The following MFSD6 variants were observed in gnomAD, a reference collection of about 807,000 sequenced individuals.
The protein encoded by MFSD6 is major facilitator superfamily domain-containing protein 6.
In MFSD6, 26 loss-of-function variants were observed where a neutral mutation model predicts 56.3. The observed-to-expected ratio is 0.46, with a 90% confidence interval of 0.34 to 0.64. The LOEUF is 0.64. Among genes scored for constraint, MFSD6 ranks in the 30% least tolerant of loss-of-function variants. MFSD6 has a pLI of 0.01. For synonymous variants in MFSD6, 331 were observed against 366.9 expected, an observed-to-expected ratio of 0.90 and a Z score of 1.12; for missense variants, 750 against 986.2, an observed-to-expected ratio of 0.76 and a Z score of 3.21.
chr2:190,460,851 C>G (rs935895185), intron 3 of MFSD6, among the ~76,000 whole-genome samples: 1 of 152,092 alleles, frequency 6.6e-6, no homozygotes, highest in African/African-American at 2.4e-5. Context: ...GACAAGGTGA[C>G]AAGGAAAGAT....
At chr2:190,442,682 G>T (rs4129081) in intron 3 of MFSD6, 50,500 of 151,850 alleles carry the variant, frequency 0.33, 9,175 homozygotes, top group Admixed American at 0.47. Context: ...GCTTGGTATG[G>T]TAATTCCAAA....
intron 4 of MFSD6, among the ~76,000 whole-genome samples, chr2:190,474,560 T>C (rs1024913096): frequency 6.6e-6 from 1 of 152,090 alleles, no homozygotes; most frequent in African/African-American, 2.4e-5. Context: ...GCTCTGAAAT[T>C]GAGGCAATAA....
In MFSD6 at chr2:190,421,333, A is replaced by G. The variant is rs571767380; in HGVS notation, c.-54+5920A>G. Among the ~76,000 whole-genome samples, 15 of 152,252 alleles carry G rather than the reference A, an allele frequency of 9.9e-5. No individual in the cohort carries two copies. In the East Asian group the frequency reaches 2.5e-3, roughly 25 times the overall value. On this transcript the variant is annotated intron_variant, in intron 2 of 7. Coordinates refer to ENST00000392328, the MANE Select transcript of MFSD6 (RefSeq NM_017694.4). ...TTGATGTGGAAGGACATTCTGTACA[A>G]CTCTGAAAAATGTTTAGTCAGTGAT...
chr2:190,464,441 T>C (rs1330894385), intron 3 of MFSD6, among the ~76,000 whole-genome samples: 1 of 152,206 alleles, frequency 6.6e-6, no homozygotes, highest in Non-Finnish European at 1.5e-5. Context: ...GCTCACACCC[T>C]GTGTTGTTTC....
chr2:190,466,731 CTTATT>C (rs1391044323), intron 3 of MFSD6, among the ~76,000 whole-genome samples: 1 of 152,124 alleles, frequency 6.6e-6, no homozygotes, highest in Non-Finnish European at 1.5e-5. Context: ...CTGGATACTT[CTTATT>C]TTGTGTTTTC....
rs1271737588 is a variant in MFSD6, at chr2:190,416,017, AG to A, written c.-54+606del. The stretch of plus-strand genomic sequence containing the variant: ...CCTCCCGCTGGGCTTGTTCTAAGAC[AG>A]GAAGCTTATTTGAAAGGTAGAAGGA... On this transcript the variant is annotated intron_variant, in intron 2 of 7. Transcript: ENST00000392328. This position sits in a 1 kb window ranked among gnomAD's most constrained non-coding sequence, Gnocchi z 4.1. 6.6e-6 allele frequency among the ~76,000 whole-genome samples: 1 copy of A among 152,204 alleles called. No homozygotes were observed. Among genetic ancestry groups the A allele is most frequent in the Non-Finnish European group, 1.5e-5 (1 of 68,040 alleles).
At position 190,433,305 on chromosome 2, in the gene MFSD6, G is replaced by T. The variant is rs1453493367; in HGVS notation, c.-53-2672G>T. 1 of 152,092 alleles carries T rather than the reference G, an allele frequency of 6.6e-6. No homozygotes were observed. Among genetic ancestry groups the T allele is most frequent in the African/African-American group, 2.4e-5 (1 of 41,404 alleles). The allele number at this position is 152,092 out of a possible 1,614,324, so 9.4% of individuals were successfully genotyped here. A position where few individuals can be genotyped will look rare whatever the true frequency, so the allele number is the denominator to read the frequency against. On this transcript the variant is annotated intron_variant, in intron 2 of 7. Coordinates refer to ENST00000392328, the MANE Select transcript of MFSD6 (RefSeq NM_017694.4). The surrounding 1 kb of genome is among the most constrained non-coding windows in gnomAD (Gnocchi z 4.5). ...ATTAATTTAGAAAATAGATTTGAGG[G>T]CAAATTATTTTTTCTTTTCAGATGA...
rs1172586071 is a variant in MFSD6 at position 190,425,020 on chromosome 2, T to G, written c.-54+9607T>G. ...ACATGGATCCATTTATTTAGCTCTT[T>G]GATTTCTTTCATCAGCATTTTATGG... On this transcript the variant is annotated intron_variant, in intron 2 of 7. Transcript: ENST00000392328. This position sits in a 1 kb window ranked among gnomAD's most constrained non-coding sequence, Gnocchi z 4.3. Among the ~76,000 whole-genome samples the G allele has an allele frequency of 1.3e-5, 2 of 152,248 alleles. No individual in the cohort carries two copies. Among genetic ancestry groups the G allele is most frequent in the African/African-American group, 4.8e-5 (2 of 41,464 alleles).
intron 3 of MFSD6, among the ~76,000 whole-genome samples, chr2:190,460,400 T>C (rs1687261351): frequency 6.6e-6 from 1 of 152,212 alleles, no homozygotes; most frequent in African/African-American, 2.4e-5. Flanking sequence ...TAATCATACA[T>C]ACACTCGCGT....
At chr2:190,478,929 G>A (rs547131964) in intron 4 of MFSD6, among the ~76,000 whole-genome samples, 2 of 152,076 alleles carry the variant, frequency 1.3e-5, no homozygotes, top group South Asian at 4.2e-4. Flanking sequence ...GTACTATCTA[G>A]AGGGTAGCTG....
chr2:190,475,509 A>G (rs530009890), intron 4 of MFSD6, among the ~76,000 whole-genome samples: 25 of 152,236 alleles, frequency 1.6e-4, no homozygotes, highest in African/African-American at 4.1e-4. Context: ...TATAAGGGAT[A>G]TGAAGGACCT....
chr2:190,435,270 G>T (rs4853707), intron 2 of MFSD6: 135,612 of 152,266 alleles, frequency 0.89, 60,750 homozygotes, highest in East Asian at 1. Context: ...CTATTGTGAT[G>T]AATATGAATG....
chr2:190,474,735 A>T (rs1434896047), intron 4 of MFSD6, among the ~76,000 whole-genome samples: 1 of 152,258 alleles, frequency 6.6e-6, no homozygotes, highest in African/African-American at 2.4e-5. Flanking sequence ...CATCATCCTG[A>T]TACCAAAGCC....
At chr2:190,474,051 G>A (rs1249634538) in intron 4 of MFSD6, among the ~76,000 whole-genome samples, 1 of 152,124 alleles carries the variant, frequency 6.6e-6, no homozygotes, top group East Asian at 1.9e-4. Flanking sequence ...GAATCTCTGG[G>A]ACACAGTCAA....
rs530073745 is a variant in MFSD6 at position 190,496,655 on chromosome 2, T to TATAC, written c.1892-781_1892-780insCATA. Among the ~76,000 whole-genome samples, 997 of 151,858 alleles carry TATAC rather than the reference T, an allele frequency of 6.6e-3. 11 individuals are homozygous for TATAC. The highest frequency in any genetic ancestry group is 0.037 in the Middle Eastern group (11 of 294). ...ATGTGTGTATATATATGTATATGTG[T>TATAC]ATATGTGTGTGTATGTGTGTGTGTA... is the stretch of plus-strand genomic sequence containing the variant. On this transcript the variant is annotated intron_variant, in intron 6 of 7. Coordinates refer to ENST00000392328, the MANE Select transcript of MFSD6 (RefSeq NM_017694.4). The surrounding 1 kb of genome is among the most constrained non-coding windows in gnomAD (Gnocchi z 4.7).
rs1369614547 is a variant in MFSD6 at position 190,463,519 on chromosome 2, AC to A, written c.1533-6237del. ...TTTTTTTAGGGACAAGTTTATATAG[AC>A]CATAAAAGGATAATCTGGGGCCAGG... On this transcript the variant is annotated intron_variant, in intron 3 of 7. Coordinates refer to ENST00000392328, the MANE Select transcript of MFSD6 (RefSeq NM_017694.4). The surrounding 1 kb of genome is among the most constrained non-coding windows in gnomAD (Gnocchi z 4.4). 6.6e-6 allele frequency among the ~76,000 whole-genome samples: 1 copy of A among 152,164 alleles called. No homozygotes were observed. The highest frequency in any genetic ancestry group is 1.5e-5 in the Non-Finnish European group (1 of 68,030).
intron 4 of MFSD6, among the ~76,000 whole-genome samples, chr2:190,478,314 G>A (rs939401015): frequency 6.6e-5 from 10 of 152,164 alleles, no homozygotes; most frequent in Non-Finnish European, 1.3e-4. Flanking sequence ...AGAGCTCTTT[G>A]TTTCTAATGC....
intron 2 of MFSD6, among the ~76,000 whole-genome samples, chr2:190,429,419 G>A (rs564689545): frequency 6.6e-6 from 1 of 151,416 alleles, no homozygotes; most frequent in Admixed American, 6.6e-5. Context: ...TCCGTCTCCT[G>A]GGTTCAAGCG....
intron 4 of MFSD6, among the ~76,000 whole-genome samples, chr2:190,477,730 AC>A (rs1369354310): frequency 2.6e-5 from 4 of 152,266 alleles, no homozygotes; most frequent in African/African-American, 9.6e-5. Context: ...ATGTGTAAAC[AC>A]ATAATAACTA....
Sources: gnomAD v4.1 joint callset for allele counts (sites outside exome capture counted in the v4.1 genomes callset) on GRCh38, gnomAD v4.1.1 for gene constraint, Gnocchi (gnomAD v3.1) non-coding constraint, MANE v1.5 for transcripts, NCBI Gene and HGNC (gene_info 2026-07-23, HGNC 2026-07-21) for gene names.